PTDSS1: variants seen among roughly 807,000 people sequenced by gnomAD.
PTDSS1 encodes the protein phosphatidylserine synthase 1, also known as PSS-1.
PTDSS1 carries 45 observed loss-of-function variants against 70.5 expected under a neutral mutation model. The ratio of observed to expected loss-of-function variants is 0.64; its 90% confidence interval spans 0.50 to 0.82. The LOEUF (loss-of-function observed/expected upper bound fraction) is 0.82, where lower values mean the gene tolerates loss of function less well. Among genes scored for constraint, PTDSS1 ranks in the 40% least tolerant of loss-of-function variants. PTDSS1 has a pLI of 0.00. For missense variants in PTDSS1, 417 were observed against 586.1 expected, an observed-to-expected ratio of 0.71 and a Z score of 2.98; for synonymous variants, 188 against 203.8, an observed-to-expected ratio of 0.92 and a Z score of 0.66.
At position 96,262,255 on chromosome 8, in the gene PTDSS1, G is replaced by A. The variant is rs1307056609; in HGVS notation, c.179+36G>A. 1.9e-6 allele frequency: 3 copies of A among 1,586,526 alleles called. No individual in the cohort carries two copies. Among genetic ancestry groups the A allele is most frequent in the Admixed American group, 1.7e-5 (1 of 58,534 alleles). ...CCAGCCGAGCGGGGGGCGCGTCCAA[G>A]GGCTAGGGAAGAGGCGGGAGGGAGG... On this transcript the variant is annotated intron_variant, in intron 1 of 12. Coordinates refer to ENST00000517309, the MANE Select transcript of PTDSS1 (RefSeq NM_014754.3). This position sits in a 1 kb window ranked among gnomAD's most constrained non-coding sequence, Gnocchi z 4.4.
chr8:96,262,537 G>T lies in PTDSS1; in HGVS notation c.179+318G>T, dbSNP rs2129973310. Among the ~76,000 whole-genome samples, 1 of 152,154 alleles carries T rather than the reference G, an allele frequency of 6.6e-6. No homozygotes were observed. Among genetic ancestry groups the T allele is most frequent in the South Asian group, 2.1e-4 (1 of 4,812 alleles). On this transcript the variant is annotated intron_variant, in intron 1 of 12. Coordinates refer to ENST00000517309, the MANE Select transcript of PTDSS1 (RefSeq NM_014754.3). This position sits in a 1 kb window ranked among gnomAD's most constrained non-coding sequence, Gnocchi z 4.4. ...GCATCGCTCCACACAACATCACGAC[G>T]CGGGCCCCTCCTCTGCACTGCTCCA...
intron 7 of PTDSS1, among the ~76,000 whole-genome samples, chr8:96,305,753 C>T (rs1047739625): frequency 2.6e-5 from 4 of 151,904 alleles, no homozygotes; most frequent in African/African-American, 9.7e-5. Flanking sequence ...TGATCTCGGC[C>T]CACTGCAACC....
chr8:96,306,697 GA>G (rs1411502412), intron 8 of PTDSS1, 141 bp downstream of exon 8: 1 of 688,688 alleles, frequency 1.5e-6, no homozygotes, highest in African/African-American at 1.8e-5. Flanking sequence ...AGAATATGAC[GA>G]AAATGTTTTG....
At chr8:96,320,854 C>G (rs946054449) in intron 10 of PTDSS1, among the ~76,000 whole-genome samples, 1 of 152,224 alleles carries the variant, frequency 6.6e-6, no homozygotes, top group African/African-American at 2.4e-5. Flanking sequence ...ATATCACCTT[C>G]CGCTCTGAAG....
At chr8:96,328,431 T>C (rs1385959774) in intron 10 of PTDSS1, among the ~76,000 whole-genome samples, 1 of 152,228 alleles carries the variant, frequency 6.6e-6, no homozygotes, top group Non-Finnish European at 1.5e-5. Context: ...CATTAGAGTA[T>C]GTTAAAGGTT....
intron 9 of PTDSS1, among the ~76,000 whole-genome samples, chr8:96,316,926 A>G (rs571604463): frequency 1.3e-5 from 2 of 152,152 alleles, no homozygotes; most frequent in East Asian, 3.9e-4. Context: ...CCCAGGAGGT[A>G]GAGGTTGCAG....
At chr8:96,284,036 A>G (rs1321076219) in intron 2 of PTDSS1, 73 bp from the exon 3 acceptor site, 2 of 1,256,538 alleles carry the variant, frequency 1.6e-6, no homozygotes, top group Admixed American at 4.1e-5. Flanking sequence ...CTGTATGGAG[A>G]TCAGCAGCAC....
intron 2 of PTDSS1, among the ~76,000 whole-genome samples, chr8:96,276,976 G>GCACACACACACACACACACACA (rs1278729372): frequency 9.3e-6 from 1 of 107,484 alleles, no homozygotes; most frequent in African/African-American, 3.0e-5. Flanking sequence ...GCGCGCACGC[G>GCACACACACACACACACACACA]CGCGCACACA....
intron 3 of PTDSS1, among the ~76,000 whole-genome samples, chr8:96,286,292 T>A (rs909981159): frequency 6.6e-6 from 1 of 152,206 alleles, no homozygotes; most frequent in Admixed American, 6.5e-5. Context: ...CTCTAAAACG[T>A]ATTGGACAGG....
intron 6 of PTDSS1, among the ~76,000 whole-genome samples, chr8:96,302,385 T>C (rs1811062497): frequency 6.6e-6 from 1 of 152,208 alleles, no homozygotes; most frequent in Non-Finnish European, 1.5e-5. Flanking sequence ...GTAGCCATGC[T>C]TCAAGTATTG....
rs1276952638 is a variant in PTDSS1 at position 96,320,288 on chromosome 8, A to G, written c.1116A>G (p.Gly372=). ...FLEAIVCIKF[G]QDLFSKTQIL... is the part of the protein sequence containing the mutation. ...AGGCCATTGTTTGCATAAAATTTGGACAAGATCTCTTCTCTAAGACCCAAA... is the reference window on the plus strand; with the variant it reads ...AGGCCATTGTTTGCATAAAATTTGGGCAAGATCTCTTCTCTAAGACCCAAA... Residue 372 remains glycine (G), a synonymous_variant, in exon 10 of 13, where the codon GGA becomes GGG. Coordinates refer to ENST00000517309, the MANE Select transcript of PTDSS1 (RefSeq NM_014754.3). 1 of 1,613,448 alleles carries G rather than the reference A, an allele frequency of 6.2e-7. No individual in the cohort carries two copies.
intron 7 of PTDSS1, among the ~76,000 whole-genome samples, chr8:96,305,261 G>A (rs1811106491): frequency 6.6e-6 from 1 of 152,242 alleles, no homozygotes; most frequent in African/African-American, 2.4e-5. Context: ...TGTGAGCACT[G>A]CGCTGGGATC....
At chr8:96,327,213 T>C (rs763247788) in intron 10 of PTDSS1, among the ~76,000 whole-genome samples, 2 of 152,154 alleles carry the variant, frequency 1.3e-5, no homozygotes, top group Non-Finnish European at 2.9e-5. Context: ...GAGGGTGCAG[T>C]TGGAGTCCTG....
chr8:96,333,823 A>G lies in PTDSS1; in HGVS notation c.*257A>G, dbSNP rs1031173226. 1.0e-5 allele frequency: 7 copies of G among 685,350 alleles called. No homozygotes were observed. Among genetic ancestry groups the G allele is most frequent in the Middle Eastern group, 4.7e-4 (2 of 4,274 alleles). The allele number at this position is 685,350 out of a possible 1,614,324, so 42.5% of individuals were successfully genotyped here. The stretch of plus-strand genomic sequence containing the variant: ...CACTTGACATGCGGTCACCGGTGGC[A>G]GCGCGGTGTGTTGAAGGGAAACGGT... On this transcript the variant is annotated 3_prime_UTR_variant, in exon 13 of 13. Coordinates refer to ENST00000517309, the MANE Select transcript of PTDSS1 (RefSeq NM_014754.3).
At chr8:96,265,561 TG>T (rs1204812172) in intron 1 of PTDSS1, among the ~76,000 whole-genome samples, 1 of 152,108 alleles carries the variant, frequency 6.6e-6, no homozygotes, top group Non-Finnish European at 1.5e-5. Flanking sequence ...CTGGACAACA[TG>T]GTGTAACCCT....
chr8:96,262,282 TGGCGGGG>T lies in PTDSS1; in HGVS notation c.179+64_179+70del. 5.6e-5 allele frequency: 14 copies of T among 250,410 alleles called. No homozygotes were observed. The highest frequency in any genetic ancestry group is 2.1e-4 in the East Asian group (2 of 9,676). The allele number at this position is 250,410 out of a possible 1,614,324, so 15.5% of individuals were successfully genotyped here. A position where few individuals can be genotyped will look rare whatever the true frequency, so the allele number is the denominator to read the frequency against. ...GCTAGGGAAGAGGCGGGAGGGAGGG[TGGCGGGG>T]AGGGGGGCCCGGCATGGCTCTGGGT... On this transcript the variant is annotated intron_variant, in intron 1 of 12. Transcript: ENST00000517309. The surrounding 1 kb of genome is among the most constrained non-coding windows in gnomAD (Gnocchi z 4.4).
rs1811553770 is a variant in PTDSS1, at chr8:96,333,726, A to T, written c.*160A>T. On this transcript the variant is annotated 3_prime_UTR_variant, in exon 13 of 13. Transcript: ENST00000517309. Reference sequence around the variant, plus strand: ...TTTGAGATCGTAAGTCTTGTTTCCCACAGACCTGGCCGCGTCAGGCAGATC... The same window carrying T: ...TTTGAGATCGTAAGTCTTGTTTCCCTCAGACCTGGCCGCGTCAGGCAGATC... 1 of 772,788 alleles carries T rather than the reference A, an allele frequency of 1.3e-6. No homozygotes were observed. The highest frequency in any genetic ancestry group is 2.2e-4 in the Middle Eastern group (1 of 4,486). 47.9% of individuals were successfully genotyped at this position (772,788 alleles called of 1,614,324 possible). A position where few individuals can be genotyped will look rare whatever the true frequency, so the allele number is the denominator to read the frequency against.
rs775531485 is a variant in PTDSS1, at chr8:96,276,978, GCGCA to G, written c.271+3590_271+3593del. ...CGGGCACATACACGCGCGCACGCGC[GCGCA>G]CACACACACACACACACACACACAC... On this transcript the variant is annotated intron_variant, in intron 2 of 12. Transcript: ENST00000517309. 8.1e-3 allele frequency among the ~76,000 whole-genome samples: 1,045 copies of G among 129,730 alleles called. 11 individuals are homozygous for G. The highest frequency in any genetic ancestry group is 0.03 in the Admixed American group (347 of 11,572). 85.1% of individuals were successfully genotyped at this position (129,730 alleles called of 152,430 possible). A position where few individuals can be genotyped will look rare whatever the true frequency, so the allele number is the denominator to read the frequency against.
At chr8:96,324,821 A>G (rs1261329315) in intron 10 of PTDSS1, among the ~76,000 whole-genome samples, 1 of 152,236 alleles carries the variant, frequency 6.6e-6, no homozygotes, top group Non-Finnish European at 1.5e-5. Context: ...TTTAAGTTTT[A>G]GAGAGACTTT....
Sources: gnomAD v4.1 joint callset for allele counts (sites outside exome capture counted in the v4.1 genomes callset) on GRCh38, gnomAD v4.1.1 for gene constraint, Gnocchi (gnomAD v3.1) non-coding constraint, MANE v1.5 for transcripts, NCBI Gene and HGNC (gene_info 2026-07-23, HGNC 2026-07-21) for gene names.